The following CADM2 variants were observed in gnomAD, a reference collection of about 807,000 sequenced individuals.
CADM2 encodes the protein immunoglobulin superfamily member 4D.
In CADM2, 12 loss-of-function variants were observed where a neutral mutation model predicts 49.8. That is an observed-to-expected ratio of 0.24 (90% confidence interval 0.15 to 0.39). The LOEUF (loss-of-function observed/expected upper bound fraction) is 0.39, where lower values mean the gene tolerates loss of function less well. CADM2 is among the 10% of genes least tolerant of loss of function. The probability of loss-of-function intolerance (pLI) is 1.00; values close to 1 mark genes in which losing one functional copy is unlikely to be tolerated. For synonymous variants in CADM2, 214 were observed against 175.4 expected (o/e 1.22, Z -1.74); for missense variants, 378 against 492.3 (o/e 0.77, Z 2.20).
chr3:85,689,592 A>G (rs1411333687), intron 1 of CADM2, among the ~76,000 whole-genome samples: 1 of 152,236 alleles, frequency 6.6e-6, no homozygotes, highest in Non-Finnish European at 1.5e-5. Flanking sequence ...AAGACAAGTT[A>G]GGGCTAGATT....
chr3:86,060,859 G>A (rs1738549884), intron 8 of CADM2, among the ~76,000 whole-genome samples: 1 of 151,938 alleles, frequency 6.6e-6, no homozygotes, highest in African/African-American at 2.4e-5. Flanking sequence ...GTGCACGTCT[G>A]TAGTCCCAGC....
intron 1 of CADM2, among the ~76,000 whole-genome samples, chr3:85,086,762 G>C (rs990807598): frequency 6.6e-6 from 1 of 152,026 alleles, no homozygotes; most frequent in Non-Finnish European, 1.5e-5. Flanking sequence ...GCCCACCTCT[G>C]CCTCCCAAAG....
At chr3:85,289,337 G>C (rs558663369) in intron 1 of CADM2, among the ~76,000 whole-genome samples, 1 of 152,286 alleles carries the variant, frequency 6.6e-6, no homozygotes, top group Non-Finnish European at 1.5e-5. Flanking sequence ...TGAGGTTAGA[G>C]ACAGGAATGT....
intron 1 of CADM2, among the ~76,000 whole-genome samples, chr3:85,003,876 T>A (rs1377733815): frequency 6.6e-6 from 1 of 152,164 alleles, no homozygotes; most frequent in Non-Finnish European, 1.5e-5. Context: ...TTAATTTGCC[T>A]CTGTATGTGT....
intron 1 of CADM2, among the ~76,000 whole-genome samples, chr3:84,973,216 A>G (rs1310012292): frequency 6.6e-6 from 1 of 152,146 alleles, no homozygotes; most frequent in Non-Finnish European, 1.5e-5. Context: ...CCCAGCCTGT[A>G]ATGCCTTTCT....
chr3:85,612,654 G>GA (rs528191581), intron 1 of CADM2, among the ~76,000 whole-genome samples: 268 of 151,302 alleles, frequency 1.8e-3, no homozygotes, highest in African/African-American at 6.0e-3. Flanking sequence ...TAAAACTTTT[G>GA]AAAAAAAGCT....
At chr3:85,318,269 C>T (rs1447970523) in intron 1 of CADM2, among the ~76,000 whole-genome samples, 1 of 151,754 alleles carries the variant, frequency 6.6e-6, no homozygotes, top group African/African-American at 2.4e-5. Context: ...GAGAAAAAGT[C>T]ATATGAATAC....
intron 3 of CADM2, among the ~76,000 whole-genome samples, chr3:85,834,569 T>A (rs936855735): frequency 1.3e-5 from 2 of 151,794 alleles, no homozygotes; most frequent in East Asian, 3.9e-4. Context: ...AATTATTTTT[T>A]GAGAAATAAT....
At position 86,071,931 on chromosome 3, in the gene CADM2, CT is replaced by C. The variant is rs1052544761; in HGVS notation, c.*5149del. On this transcript the variant is annotated 3_prime_UTR_variant, in exon 10 of 10. Coordinates refer to ENST00000383699, the MANE Select transcript of CADM2 (RefSeq NM_001167675.2). ...TGTAACAATTTCTTATAAATTCATG[CT>C]GTGTTTTAAGTAAAAATCATGTATA... The C allele has an allele frequency of 6.6e-6, 1 of 151,806 alleles. No homozygotes were observed. The highest frequency in any genetic ancestry group is 1.5e-5 in the Non-Finnish European group (1 of 67,840). 9.4% of individuals were successfully genotyped at this position (151,806 alleles called of 1,614,324 possible).
chr3:85,947,411 TG>T (rs1213082906), intron 7 of CADM2, among the ~76,000 whole-genome samples: 1 of 151,274 alleles, frequency 6.6e-6, no homozygotes, highest in African/African-American at 2.4e-5. Context: ...GTGTGTGTGT[TG>T]TACTTTGTGT....
intron 3 of CADM2, among the ~76,000 whole-genome samples, 160 bp from the exon 4 acceptor site, chr3:85,883,131 T>C (rs539443782): frequency 6.6e-6 from 1 of 152,320 alleles, no homozygotes; most frequent in East Asian, 1.9e-4. Flanking sequence ...TGATAAAATA[T>C]TTCAATATAT....
intron 1 of CADM2, among the ~76,000 whole-genome samples, chr3:84,993,079 A>G (rs541718877): frequency 1.3e-5 from 2 of 151,720 alleles, no homozygotes; most frequent in East Asian, 1.9e-4. Flanking sequence ...CTATTTTAAG[A>G]AAAAAAAATA....
intron 1 of CADM2, among the ~76,000 whole-genome samples, chr3:85,545,618 A>C (rs1290241558): frequency 6.6e-6 from 1 of 152,152 alleles, no homozygotes. Flanking sequence ...CATGTTTCCT[A>C]GATGCTCTGA....
chr3:85,009,192 G>C (rs1302493394), intron 1 of CADM2, among the ~76,000 whole-genome samples: 1 of 152,170 alleles, frequency 6.6e-6, no homozygotes, highest in Non-Finnish European at 1.5e-5. Flanking sequence ...AGCATATGAT[G>C]CTTGTCTTGT....
chr3:85,098,353 A>G (rs1307794449), intron 1 of CADM2, among the ~76,000 whole-genome samples: 1 of 152,136 alleles, frequency 6.6e-6, no homozygotes, highest in Non-Finnish European at 1.5e-5. Flanking sequence ...AGGGAAAAAA[A>G]AATATGACCA....
At chr3:85,693,417 A>G (rs1323891990) in intron 1 of CADM2, among the ~76,000 whole-genome samples, 1 of 149,946 alleles carries the variant, frequency 6.7e-6, no homozygotes. Context: ...CGTCTCTACT[A>G]AAAATACAAA....
chr3:84,980,340 T>A (rs1241639393), intron 1 of CADM2, among the ~76,000 whole-genome samples: 1 of 152,202 alleles, frequency 6.6e-6, no homozygotes, highest in Non-Finnish European at 1.5e-5. Context: ...AAAATGTGAT[T>A]CAGGGTGATG....
At chr3:85,782,055 T>G (rs960573362) in intron 2 of CADM2, among the ~76,000 whole-genome samples, 1 of 152,222 alleles carries the variant, frequency 6.6e-6, no homozygotes, top group Non-Finnish European at 1.5e-5. Flanking sequence ...ACATGGCTTT[T>G]GCCCAGCAGC....
intron 8 of CADM2, among the ~76,000 whole-genome samples, chr3:86,025,930 T>C (rs1427011660): frequency 1.3e-5 from 2 of 152,160 alleles, no homozygotes; most frequent in Admixed American, 1.3e-4. Flanking sequence ...CTCAAAGGAA[T>C]CTTGAAAATG....
Sources: gnomAD v4.1 joint callset for allele counts (sites outside exome capture counted in the v4.1 genomes callset) on GRCh38, gnomAD v4.1.1 for gene constraint, MANE v1.5 for transcripts, NCBI Gene and HGNC (gene_info 2026-07-23, HGNC 2026-07-21) for gene names.